Variants in CENATAC observed in about 807,000 individuals in gnomAD.
CENATAC encodes the protein coiled-coil domain containing 84.
A neutral mutation model predicts 53.7 loss-of-function variants in CENATAC; 53 were observed. The observed-to-expected ratio is 0.99, with a 90% confidence interval of 0.79 to 1.24. The LOEUF (loss-of-function observed/expected upper bound fraction) is 1.24, where lower values mean the gene tolerates loss of function less well. CENATAC is among the 50% of genes most tolerant of loss of function. The pLI is 0.00. For missense variants in CENATAC, 474 were observed against 417.8 expected (o/e 1.13, Z -1.17); for synonymous variants, 156 against 144.6 (o/e 1.08, Z -0.57).
At chr11:119,011,431 T>C in intron 5 of CENATAC, 148 bp downstream of exon 5, 2 of 655,170 alleles carry the variant, frequency 3.1e-6, no homozygotes, top group South Asian at 3.6e-5. Context: ...TGGAGTGCAG[T>C]GGCACGATCT....
At chr11:119,008,161 C>T (rs575202628) in intron 3 of CENATAC, among the ~76,000 whole-genome samples, 64 of 152,080 alleles carry the variant, frequency 4.2e-4, no homozygotes, top group South Asian at 2.5e-3. Context: ...GGATGAGAGA[C>T]GGAGAAAAGA....
intron 8 of CENATAC, 37 bp downstream of exon 8, chr11:119,013,299 ATTT>A (rs371143734): frequency 7.3e-4 from 970 of 1,331,780 alleles, no homozygotes; most frequent in Admixed American, 1.1e-3. Context: ...ACCCTGGGAG[ATTT>A]TTTTTTTTTT....
intron 8 of CENATAC, chr11:119,014,575 AAAAAC>A (rs1359056238): frequency 5.2e-5 from 8 of 153,408 alleles, no homozygotes; most frequent in African/African-American, 1.9e-4. Flanking sequence ...CTCCTCTCAA[AAAAAC>A]AAAAGGCCAG....
In CENATAC at chr11:119,008,839, A is replaced by G. The variant is rs182719316; in HGVS notation, c.384-1925A>G. ...ATTGTGCCCCTGGTTTATTGAGACTAGAGAATGGCAATGACCTTTACCAGA... is the reference window on the plus strand; with the variant it reads ...ATTGTGCCCCTGGTTTATTGAGACTGGAGAATGGCAATGACCTTTACCAGA... On this transcript the variant is annotated intron_variant, in intron 3 of 10. Coordinates refer to ENST00000334418, the MANE Select transcript of CENATAC (RefSeq NM_198489.3). Among the ~76,000 whole-genome samples, 285 of 152,250 alleles carry G rather than the reference A, an allele frequency of 1.9e-3. 1 individual carries two copies. Among genetic ancestry groups the G allele is most frequent in the African/African-American group, 6.5e-3 (271 of 41,530 alleles).
chr11:119,015,377 C>G lies in CENATAC; in HGVS notation c.876C>G (p.Thr292=), dbSNP rs1317173437. 1.2e-6 allele frequency: 2 copies of G among 1,614,194 alleles called. No homozygotes were observed. Among genetic ancestry groups the G allele is most frequent in the Non-Finnish European group, 1.7e-6 (2 of 1,180,026 alleles). Residue 292 remains threonine, a synonymous_variant, in exon 10 of 11, where the codon ACC becomes ACG. Transcript: ENST00000334418. ...CCAACTTTGATCACAGCTCCAGGAC[C>G]AGTGCAGGCTGGCTGCCCTCTTTTG... ...VGANFDHSSR[T]SAGWLPSFGR... is the part of the protein sequence containing the mutation.
intron 3 of CENATAC, chr11:119,001,914 T>G (rs1433801307): frequency 3.9e-6 from 1 of 254,678 alleles, no homozygotes; most frequent in Non-Finnish European, 8.1e-6. Context: ...GAATTTTTTT[T>G]TAGAGAAGTT....
chr11:119,001,646 G>T (rs1942302374), intron 3 of CENATAC: 1 of 455,770 alleles, frequency 2.2e-6, no homozygotes, highest in Non-Finnish European at 4.4e-6. Context: ...TTTTCAAATT[G>T]TTGCAAATCT....
chr11:119,010,908 C>T (rs1337265793), intron 4 of CENATAC, 78 bp downstream of exon 4: 1 of 1,261,280 alleles, frequency 7.9e-7, no homozygotes, highest in African/African-American at 1.5e-5. Context: ...CACAGATGGA[C>T]CCAGGCAGGG....
chr11:119,010,824 C>G lies in CENATAC; in HGVS notation c.444C>G (p.Ile148Met). The change falls in exon 4 of 11, where the codon ATC becomes ATG. Residue 148 changes from isoleucine to methionine, a missense_variant. Ile to Met is a conservative substitution (Grantham distance 10). Transcript: ENST00000334418. Reference sequence around the variant, plus strand: ...ATGAAGAAAAGGAGGATAAAGTGATCAAGGAGGTAAGTTAAAGTAGCAGTC... The same window carrying G: ...ATGAAGAAAAGGAGGATAAAGTGATGAAGGAGGTAAGTTAAAGTAGCAGTC... Reference protein sequence around the residue: ...DSYEEKEDKVIKEMAAQIREV... With the variant: ...DSYEEKEDKVMKEMAAQIREV... 1.2e-6 allele frequency: 2 copies of G among 1,613,860 alleles called. No homozygotes were observed. Among genetic ancestry groups the G allele is most frequent in the Non-Finnish European group, 8.5e-7 (1 of 1,179,838 alleles).
rs782818395 is a variant in CENATAC at position 119,015,438 on chromosome 11, A to G, written c.937A>G (p.Arg313Gly). ...GAATAATGGACGCCGCTGGCAGTCCAGGTATGTGTGTTCAGTGCCGGGTCT... is the reference window on the plus strand; with the variant it reads ...GAATAATGGACGCCGCTGGCAGTCCGGGTATGTGTGTTCAGTGCCGGGTCT... ...VWNNGRRWQS[R>G]HQFKTEAAAM... The change falls in exon 10 of 11, where the codon AGA becomes GGA. Residue 313 changes from arginine (R) to glycine (G), a missense_variant and splice_region_variant. Arg to Gly is a moderately radical substitution (Grantham distance 125). Transcript: ENST00000334418. The G allele has an allele frequency of 6.2e-7, 1 of 1,614,036 alleles. No individual in the cohort carries two copies. The highest frequency in any genetic ancestry group is 8.5e-7 in the Non-Finnish European group (1 of 1,179,878).
At chr11:119,010,569 G>C (rs1942820363) in intron 3 of CENATAC, 195 bp from the exon 4 acceptor site, 1 of 565,228 alleles carries the variant, frequency 1.8e-6, no homozygotes, top group East Asian at 2.8e-5. Flanking sequence ...AAGGACGTGT[G>C]TCTGTACAAA....
intron 7 of CENATAC, 95 bp downstream of exon 7, chr11:119,012,349 C>A: frequency 7.3e-7 from 1 of 1,362,040 alleles, no homozygotes; most frequent in Non-Finnish European, 1.0e-6. Context: ...CCACTGCTGC[C>A]TCCACTGCAG....
chr11:118,998,676 G>C, intron 2 of CENATAC, 83 bp downstream of exon 2: 1 of 1,464,046 alleles, frequency 6.8e-7, no homozygotes, highest in Non-Finnish European at 9.2e-7. Flanking sequence ...GAAAAAGGAC[G>C]CTTTTGTGAT....
At chr11:119,015,162 A>T (rs1435011297) in intron 9 of CENATAC, 79 bp downstream of exon 9, 12 of 1,460,402 alleles carry the variant, frequency 8.2e-6, no homozygotes, top group Non-Finnish European at 1.1e-5. Context: ...GTGGTGGCTC[A>T]TGGCTATAAT....
Position 119,011,217 on chromosome 11 carries a change from A to C in CENATAC, c.451-4A>C, listed in dbSNP as rs1305751591. The stretch of plus-strand genomic sequence containing the variant: ...TACCTGTCTAAGCAGCCTCTCTCCC[A>C]CAGATGGCAGCTCAGATCCGTGAGG... On this transcript the variant is annotated splice_polypyrimidine_tract_variant and splice_region_variant and intron_variant, in intron 4 of 10. Transcript: ENST00000334418. The C allele has an allele frequency of 6.2e-7, 1 of 1,613,710 alleles. No homozygotes were observed. The highest frequency in any genetic ancestry group is 1.1e-5 in the South Asian group (1 of 91,060).
intron 4 of CENATAC, 100 bp from the exon 5 acceptor site, chr11:119,011,121 G>T: frequency 1.1e-5 from 11 of 987,942 alleles, no homozygotes; most frequent in Non-Finnish European, 1.7e-5. Flanking sequence ...GACCAGTACT[G>T]GTCCACGCCT....
At position 118,998,276 on chromosome 11, in the gene CENATAC, C is replaced by T. The variant is rs782132763; in HGVS notation, c.79C>T (p.Gln27Ter). 1.4e-5 allele frequency: 23 copies of T among 1,599,808 alleles called. No homozygotes were observed. The highest frequency in any genetic ancestry group is 2.0e-5 in the Non-Finnish European group (23 of 1,173,558). Reference protein sequence around the residue: ...GRGHVYSRKHQRQLKEALERL... With the variant: ...GRGHVYSRKH ...CGGGCACGTTTACAGCCGCAAGCAC[C>T]AGCGGCAGCTGAAGGAGGCTTTGGA... Residue 27 changes from glutamine to a stop codon, truncating the protein, a stop_gained, in exon 1 of 11, where the codon CAG (glutamine) becomes TAG (stop). Transcript: ENST00000334418. LOFTEE classifies it high-confidence loss of function.
At position 119,015,053 on chromosome 11, in the gene CENATAC, G is replaced by A. The variant is rs782502920; in HGVS notation, c.775G>A (p.Gly259Arg). The change falls in exon 9 of 11, where the codon GGA (glycine) becomes AGA (arginine). Residue 259 changes from glycine to arginine, a missense_variant. By Grantham distance (125) the Gly-to-Arg change is moderately radical. Transcript: ENST00000334418. ...EEYIAGNQEI[G>R]PSYEEFLKEK... ...ATACATTGCTGGGAACCAAGAAATA[G>A]GACCATCCTATGAAGAATTTCTTAA... 6 of 1,611,360 alleles carry A rather than the reference G, an allele frequency of 3.7e-6. No individual in the cohort carries two copies. The highest frequency in any genetic ancestry group is 8.5e-7 in the Non-Finnish European group (1 of 1,179,004).
Position 118,998,567 on chromosome 11 carries a change from C to CG in CENATAC, c.264dup (p.Leu89AlafsTer24), listed in dbSNP as rs1258488092. 20 of 1,574,050 alleles carry CG rather than the reference C, an allele frequency of 1.3e-5. No homozygotes were observed. Among genetic ancestry groups the CG allele is most frequent in the East Asian group, 4.7e-5 (2 of 42,740 alleles). Reference sequence around the variant, plus strand: ...GCCATGGAAACCTGACGGTGCTGTACGGGGGGCTGCTGGAGCATCTGGCCA... The same window carrying CG: ...GCCATGGAAACCTGACGGTGCTGTACGGGGGGGCTGCTGGAGCATCTGGCCA... On this transcript the variant is annotated frameshift_variant, in exon 2 of 11. Transcript: ENST00000334418. LOFTEE classifies it high-confidence loss of function.
Sources: gnomAD v4.1 joint callset for allele counts (sites outside exome capture counted in the v4.1 genomes callset) on GRCh38, gnomAD v4.1.1 for gene constraint, MANE v1.5 for transcripts, NCBI Gene and HGNC (gene_info 2026-07-23, HGNC 2026-07-21) for gene names.